Variants in RIOK2 observed in about 807,000 individuals in gnomAD.
RIOK2 encodes RIO kinase 2.
RIOK2 carries 46 observed loss-of-function variants against 62.4 expected under a neutral mutation model. The observed-to-expected ratio is 0.74, with a 90% CI of 0.58 to 0.94. RIOK2 has a LOEUF of 0.94. Among genes scored for constraint, RIOK2 ranks in the 40% least tolerant of loss-of-function variants. RIOK2 has a pLI of 0.00. For synonymous variants in RIOK2, 197 were observed against 216.0 expected, an observed-to-expected ratio of 0.91 and a Z score of 0.77; for missense variants, 574 against 658.0, an observed-to-expected ratio of 0.87 and a Z score of 1.40.
At position 97,165,163 on chromosome 5, in the gene RIOK2, C is replaced by A; in HGVS notation, c.1398-16G>T. The A allele has an allele frequency of 7.7e-7, 1 of 1,294,698 alleles. No homozygotes were observed. The highest frequency in any genetic ancestry group is 2.7e-5 in the East Asian group (1 of 37,106). 80.2% of individuals were successfully genotyped at this position (1,294,698 alleles called of 1,614,324 possible). A position where few individuals can be genotyped will look rare whatever the true frequency, so the allele number is the denominator to read the frequency against. On this transcript the variant is annotated splice_polypyrimidine_tract_variant and intron_variant, in intron 8 of 9. Coordinates refer to ENST00000283109, the MANE Select transcript of RIOK2 (RefSeq NM_018343.3). Reference sequence around the variant, plus strand: ...TTCTTCATCTCTAAAATTAAAAAACCCACAATTTATCTAGTTAATTTGTAT... The same window carrying A: ...TTCTTCATCTCTAAAATTAAAAAACACACAATTTATCTAGTTAATTTGTAT...
rs977399161 is a variant in RIOK2 at position 97,163,014 on chromosome 5, C to T, written c.*47G>A. 6.8e-7 allele frequency: 1 copy of T among 1,476,592 alleles called. No homozygotes were observed. Among genetic ancestry groups the T allele is most frequent in the Non-Finnish European group, 9.2e-7 (1 of 1,088,804 alleles). 91.5% of individuals were successfully genotyped at this position (1,476,592 alleles called of 1,614,324 possible). A position where few individuals can be genotyped will look rare whatever the true frequency, so the allele number is the denominator to read the frequency against. ...CAAATGAGGGCTCAAAAAGGAATTA[C>T]AGTAACTTTAAAAAATATATTAAAC... On this transcript the variant is annotated 3_prime_UTR_variant, in exon 10 of 10. Coordinates refer to ENST00000283109, the MANE Select transcript of RIOK2 (RefSeq NM_018343.3).
At chr5:97,175,248 C>T (rs1749133636) in intron 4 of RIOK2, among the ~76,000 whole-genome samples, 1 of 152,178 alleles carries the variant, frequency 6.6e-6, no homozygotes, top group South Asian at 2.1e-4. Context: ...CCACTTCCCA[C>T]TTCCCAGATA....
At chr5:97,182,110 T>C (rs942241350) in intron 1 of RIOK2, among the ~76,000 whole-genome samples, 9 of 94,384 alleles carry the variant, frequency 9.5e-5, no homozygotes, top group African/African-American at 3.6e-4. Flanking sequence ...TACCAAAAGA[T>C]AACGGCTCCT....
intron 1 of RIOK2, among the ~76,000 whole-genome samples, chr5:97,182,075 A>C (rs1216532603): frequency 6.6e-6 from 1 of 152,222 alleles, no homozygotes; most frequent in Non-Finnish European, 1.5e-5. Flanking sequence ...CAATATAGGT[A>C]GTCCTTATCA....
Position 97,176,502 on chromosome 5 carries a change from C to CA in RIOK2, c.498+613_498+614insT, listed in dbSNP as rs1195544872. Among the ~76,000 whole-genome samples the CA allele has an allele frequency of 5.9e-5, 9 of 152,208 alleles. No homozygotes were observed. The South Asian group carries it at 1.5e-3, about 25-fold the overall frequency. On this transcript the variant is annotated intron_variant, in intron 4 of 9. Transcript: ENST00000283109. The stretch of plus-strand genomic sequence containing the variant: ...GATTACAGGTGGCCACCACCATCCC[C>CA]GGCTAATTCTTGTATTTTTAGTAGG...
intron 4 of RIOK2, 149 bp downstream of exon 4, chr5:97,176,967 C>A (rs1018939440): frequency 3.0e-6 from 2 of 665,548 alleles, no homozygotes; most frequent in Non-Finnish European, 2.5e-6. Context: ...AAATAATCAA[C>A]AGAGTTATTT....
chr5:97,165,493 A>T (rs1748820470), intron 8 of RIOK2, among the ~76,000 whole-genome samples: 1 of 152,078 alleles, frequency 6.6e-6, no homozygotes, highest in South Asian at 2.1e-4. Context: ...TCCCTATCTA[A>T]ATTTTTGAGA....
At chr5:97,180,152 A>ATGTATATATATGTATATATATATATG (rs1561522527) in intron 1 of RIOK2, among the ~76,000 whole-genome samples, 1 of 130,900 alleles carries the variant, frequency 7.6e-6, no homozygotes, top group Non-Finnish European at 1.6e-5. Flanking sequence ...GTATATATAT[A>ATGTATATATATGTATATATATATATG]TATATATATG....
At chr5:97,180,126 G>GTGTATATATATATATGTATGTATATA (rs1554083581) in intron 1 of RIOK2, among the ~76,000 whole-genome samples, 12 of 30,784 alleles carry the variant, frequency 3.9e-4, no homozygotes, top group Non-Finnish European at 6.6e-4. Context: ...ATGTGTATAT[G>GTGTATATATATATATGTATGTATATA]TATATATATA....
chr5:97,178,345 T>C (rs1749228198), intron 2 of RIOK2, among the ~76,000 whole-genome samples: 1 of 3,806 alleles, frequency 2.6e-4, no homozygotes, highest in African/African-American at 6.8e-4. Flanking sequence ...CTACATGCTC[T>C]TCATGCTCTT....
Position 97,165,098 on chromosome 5 carries a change from T to TCAGA in RIOK2, c.1443_1446dup (p.Ile484GlufsTer52). 1 of 1,584,986 alleles carries TCAGA rather than the reference T, an allele frequency of 6.3e-7. No individual in the cohort carries two copies. Among genetic ancestry groups the TCAGA allele is most frequent in the Non-Finnish European group, 8.6e-7 (1 of 1,166,402 alleles). ...ACAGCACTGCCTGAAGAAGTGATAC[T>TCAGA]CAGAGTTCTTGTTCTATACTGATTC... On this transcript the variant is annotated frameshift_variant, in exon 9 of 10. Transcript: ENST00000283109. LOFTEE classifies it high-confidence loss of function.
rs1232431978 is a variant in RIOK2, at chr5:97,177,168, G to A, written c.446C>T (p.Ser149Leu). ...AGAGAGACGAGATAAATATAGCCAT[G>A]ACACATTGTGCCTATGTTTATGATA... ...RDYHKHRHNV[S>L]WLYLSRLSAM... Residue 149 changes from serine (S) to leucine (L), a missense_variant, in exon 4 of 10, where the codon TCA becomes TTA. By Grantham distance (145) the Ser-to-Leu change is moderately radical. Coordinates refer to ENST00000283109, the MANE Select transcript of RIOK2 (RefSeq NM_018343.3). 1.9e-6 allele frequency: 3 copies of A among 1,612,722 alleles called. No homozygotes were observed. Among genetic ancestry groups the A allele is most frequent in the Non-Finnish European group, 2.5e-6 (3 of 1,179,234 alleles).
In RIOK2 at chr5:97,161,429, A is replaced by G. The variant is rs1380208726; in HGVS notation, c.*1632T>C. 1 of 152,126 alleles carries G rather than the reference A, an allele frequency of 6.6e-6. No individual in the cohort carries two copies. Among genetic ancestry groups the G allele is most frequent in the Non-Finnish European group, 1.5e-5 (1 of 68,018 alleles). The allele number at this position is 152,126 out of a possible 1,614,324, so 9.4% of individuals were successfully genotyped here. A position where few individuals can be genotyped will look rare whatever the true frequency, so the allele number is the denominator to read the frequency against. ...CCAAACATATCTTCAAAAAATAACT[A>G]TTATAATTATACCTTAGTTTTCAAC... On this transcript the variant is annotated 3_prime_UTR_variant, in exon 10 of 10. Coordinates refer to ENST00000283109, the MANE Select transcript of RIOK2 (RefSeq NM_018343.3).
intron 1 of RIOK2, among the ~76,000 whole-genome samples, 155 bp from the exon 2 acceptor site, chr5:97,179,348 A>T (rs1299707324): frequency 1.3e-5 from 2 of 152,220 alleles, no homozygotes; most frequent in African/African-American, 2.4e-5. Context: ...AAATATTTTT[A>T]ATTGCAATTT....
rs758964535 is a variant in RIOK2, at chr5:97,163,178, T to G, written c.1542A>C (p.Lys514Asn). The change falls in exon 10 of 10, where the codon AAA (lysine) becomes AAC (asparagine). Residue 514 changes from lysine to asparagine, a missense_variant. By Grantham distance (94) the Lys-to-Asn change is moderately conservative (BLOSUM62 0). Transcript: ENST00000283109. The stretch of plus-strand genomic sequence containing the variant: ...TCTGCAATCGACGTCTGACAGCTGA[T>G]TTTTGCTGTTTTGTCAACTGACGTT... ...KVKRQLTKQQ[K>N]SAVRRRLQKG... The G allele has an allele frequency of 6.2e-7, 1 of 1,613,708 alleles. No individual in the cohort carries two copies. The highest frequency in any genetic ancestry group is 1.1e-5 in the South Asian group (1 of 91,068).
chr5:97,182,897 G>C (rs1187137556), intron 1 of RIOK2: 3 of 531,746 alleles, frequency 5.6e-6, no homozygotes, highest in African/African-American at 1.9e-5. Context: ...CAGCAGAAAA[G>C]AAAACAATTA....
At chr5:97,181,285 AAG>A (rs1294009519) in intron 1 of RIOK2, among the ~76,000 whole-genome samples, 5 of 151,766 alleles carry the variant, frequency 3.3e-5, no homozygotes, top group African/African-American at 1.2e-4. Flanking sequence ...AAAAAAAAAA[AAG>A]AAAGAGAGAA....
At chr5:97,168,406 A>G (rs909769491) in intron 7 of RIOK2, among the ~76,000 whole-genome samples, 1 of 131,886 alleles carries the variant, frequency 7.6e-6, no homozygotes, top group African/African-American at 2.9e-5. Context: ...TTGAGAATCA[A>G]TTAAAGATAC....
In RIOK2 at chr5:97,178,650, A is replaced by C. The variant is rs373429803; in HGVS notation, c.205+405T>G. Among the ~76,000 whole-genome samples the C allele has an allele frequency of 4.8e-3, 530 of 109,304 alleles. 2 individuals carry two copies. Among genetic ancestry groups the C allele is most frequent in the Non-Finnish European group, 7.5e-3 (375 of 50,288 alleles). The allele number at this position is 109,304 out of a possible 152,430, so 71.7% of individuals were successfully genotyped here. The stretch of plus-strand genomic sequence containing the variant: ...ACCTACGTGCTCTTCTGTACTCTAC[A>C]TGCTCTTCTGCAGTACTCTACCTGC... On this transcript the variant is annotated intron_variant, in intron 2 of 9. Coordinates refer to ENST00000283109, the MANE Select transcript of RIOK2 (RefSeq NM_018343.3).
Sources: gnomAD v4.1 joint callset for allele counts (sites outside exome capture counted in the v4.1 genomes callset) on GRCh38, gnomAD v4.1.1 for gene constraint, MANE v1.5 for transcripts, NCBI Gene and HGNC (gene_info 2026-07-23, HGNC 2026-07-21) for gene names.